PROM2: variants seen among roughly 807,000 people sequenced by gnomAD.
PROM2 encodes prominin-2.
A neutral mutation model predicts 110.2 loss-of-function variants in PROM2; 90 were observed. The ratio of observed to expected loss-of-function variants is 0.82; its 90% CI spans 0.69 to 0.97. The LOEUF (loss-of-function observed/expected upper bound fraction) is 0.97. PROM2 is among the 50% of genes least tolerant of loss of function. The pLI, the probability that PROM2 is intolerant of heterozygous loss-of-function variation, is 0.00. For missense variants in PROM2, 1,009 were observed against 1,074.8 expected (o/e 0.94, Z 0.86); for synonymous variants, 470 against 467.8 (o/e 1.00, Z -0.06).
rs780007520 is a variant in PROM2, at chr2:95,281,918, TC to T, written c.1552-3del. ...TCTGTGCCCATTTCTCACTGCCCCA[TC>T]CCCAGTTTGCAGACACCCCAGGGAA... On this transcript the variant is annotated splice_polypyrimidine_tract_variant and splice_region_variant and intron_variant, in intron 12 of 23. Coordinates refer to ENST00000317620, the MANE Select transcript of PROM2 (RefSeq NM_001165978.3). The T allele has an allele frequency of 6.2e-7, 1 of 1,612,092 alleles. No homozygotes were observed. Among genetic ancestry groups the T allele is most frequent in the African/African-American group, 1.3e-5 (1 of 74,818 alleles).
At chr2:95,285,575 C>A in intron 15 of PROM2, 64 bp from the exon 16 acceptor site, 3 of 1,365,790 alleles carry the variant, frequency 2.2e-6, no homozygotes, top group Non-Finnish European at 3.1e-6. Context: ...AGGCTGGGAT[C>A]AGGTGGTGGT....
chr2:95,281,473 A>G, intron 12 of PROM2, 108 bp downstream of exon 12: 6 of 1,153,382 alleles, frequency 5.2e-6, no homozygotes, highest in Admixed American at 4.9e-5. Flanking sequence ...AAAGGGAGAG[A>G]GGGAGGGGAG....
chr2:95,284,559 G>T (rs1271752042), intron 14 of PROM2, among the ~76,000 whole-genome samples: 1 of 152,114 alleles, frequency 6.6e-6, no homozygotes, highest in African/African-American at 2.4e-5. Flanking sequence ...AGGTTTAAGT[G>T]CAGGCTGTAC....
At chr2:95,281,725 G>C (rs1219350873) in intron 12 of PROM2, among the ~76,000 whole-genome samples, 200 bp from the exon 13 acceptor site, 1 of 152,096 alleles carries the variant, frequency 6.6e-6, no homozygotes, top group Non-Finnish European at 1.5e-5. Context: ...ACCCTCCTAG[G>C]GATTCATGGG....
Position 95,276,721 on chromosome 2 carries a change from G to A in PROM2, c.682+64G>A. On this transcript the variant is annotated intron_variant, in intron 5 of 23. Transcript: ENST00000317620. The surrounding 1 kb of genome is among the most constrained non-coding windows in gnomAD (Gnocchi z 4.6). ...CCAGGGCCCCTGCTCGGGTGCCTCG[G>A]TGGGGGCCTCTCACTCCCTCATTCT... is the stretch of plus-strand genomic sequence containing the variant. The A allele has an allele frequency of 5.8e-6, 9 of 1,554,808 alleles. No homozygotes were observed. The highest frequency in any genetic ancestry group is 8.0e-6 in the Non-Finnish European group (9 of 1,129,936).
At chr2:95,289,171 G>A in intron 23 of PROM2, 53 bp from the exon 24 acceptor site, 2 of 626,420 alleles carry the variant, frequency 3.2e-6, no homozygotes, top group Non-Finnish European at 2.9e-6. Flanking sequence ...GGGGCTGACA[G>A]CCCTGTTCTC....
rs756654563 is a variant in PROM2, at chr2:95,279,163, T to C, written c.1274+19T>C. On this transcript the variant is annotated intron_variant, in intron 10 of 23. Coordinates refer to ENST00000317620, the MANE Select transcript of PROM2 (RefSeq NM_001165978.3). The stretch of plus-strand genomic sequence containing the variant: ...CCTACAGGTGCTGGGCACCGCAGGG[T>C]GGGATGGGGTGGGGTGGGGTGGGCA... 1.1e-5 allele frequency: 4 copies of C among 366,332 alleles called. No homozygotes were observed. The highest frequency in any genetic ancestry group is 1.9e-5 in the Non-Finnish European group (4 of 211,036). 22.7% of individuals were successfully genotyped at this position (366,332 alleles called of 1,614,324 possible).
rs752691807 is a variant in PROM2 at position 95,281,941 on chromosome 2, G to C, written c.1568G>C (p.Gly523Ala). ...GELFEFADTP[G>A]NLPPSMNLSQ... ...CATCCCCAGTTTGCAGACACCCCAGGGAACCTGCCCCCGTCCATGAACCTG... is the reference window on the plus strand; with the variant it reads ...CATCCCCAGTTTGCAGACACCCCAGCGAACCTGCCCCCGTCCATGAACCTG... The change falls in exon 13 of 24, where the codon GGG (glycine) becomes GCG (alanine). Residue 523 changes from glycine to alanine, a missense_variant. By Grantham distance (60) the Gly-to-Ala change is moderately conservative (BLOSUM62 0). Transcript: ENST00000317620. The C allele has an allele frequency of 6.2e-7, 1 of 1,614,052 alleles. No individual in the cohort carries two copies. The highest frequency in any genetic ancestry group is 1.7e-5 in the Admixed American group (1 of 60,016).
chr2:95,281,432 AGGGTT>A, intron 12 of PROM2, 67 bp downstream of exon 12: 1 of 265,120 alleles, frequency 3.8e-6, no homozygotes, highest in Non-Finnish European at 5.2e-6. Context: ...GCAGAGCAGG[AGGGTT>A]GGGGGAAAGT....
intron 15 of PROM2, among the ~76,000 whole-genome samples, chr2:95,285,434 G>T (rs1677297319): frequency 2.0e-5 from 3 of 152,200 alleles, no homozygotes; most frequent in Non-Finnish European, 4.4e-5. Flanking sequence ...TGCCTTATTT[G>T]TTCTTGTTGT....
chr2:95,285,630 C>T lies in PROM2; in HGVS notation c.1876-9C>T. 6.3e-7 allele frequency: 1 copy of T among 1,589,464 alleles called. No individual in the cohort carries two copies. On this transcript the variant is annotated splice_polypyrimidine_tract_variant and intron_variant, in intron 15 of 23. Coordinates refer to ENST00000317620, the MANE Select transcript of PROM2 (RefSeq NM_001165978.3). ...TTCATCCCTCCTGGCCTCTTCTGTC[C>T]ACCTGCAGATCCAGAGGCCCGTGGT...
At chr2:95,286,956 A>AG in intron 18 of PROM2, 99 bp downstream of exon 18, 1 of 1,420,988 alleles carries the variant, frequency 7.0e-7, no homozygotes, top group Non-Finnish European at 9.8e-7. Context: ...AGCTCTGCCC[A>AG]GGTTGCAGGT....
chr2:95,288,359 A>G lies in PROM2; in HGVS notation c.2334+59A>G, dbSNP rs1355227819. The G allele has an allele frequency of 1.9e-6, 3 of 1,598,116 alleles. No individual in the cohort carries two copies. In the African/African-American group the frequency reaches 4.0e-5, roughly 21 times the overall value. On this transcript the variant is annotated intron_variant, in intron 21 of 23. Coordinates refer to ENST00000317620, the MANE Select transcript of PROM2 (RefSeq NM_001165978.3). ...AAGTCCCGGAGCCTTCCTGCTCTCC[A>G]GGGAGGGCCGGGTGAGCAGGGTGTG...
At position 95,287,342 on chromosome 2, in the gene PROM2, G is replaced by A. The variant is rs1573463282; in HGVS notation, c.2176-54G>A. The stretch of plus-strand genomic sequence containing the variant: ...AGGCATGGGGGGTGGCGTGGGTGGG[G>A]GGCACTGCTGCTTCTGGGACCCCTA... On this transcript the variant is annotated intron_variant, in intron 19 of 23. Coordinates refer to ENST00000317620, the MANE Select transcript of PROM2 (RefSeq NM_001165978.3). The A allele has an allele frequency of 6.9e-6, 11 of 1,600,366 alleles. 1 individual carries two copies. Among genetic ancestry groups the A allele is most frequent in the East Asian group, 6.7e-5 (3 of 44,810 alleles).
chr2:95,274,848 C>A lies in PROM2; in HGVS notation c.244+19C>A, dbSNP rs373422154. The A allele has an allele frequency of 3.3e-6, 5 of 1,524,880 alleles. No homozygotes were observed. The South Asian group carries it at 3.7e-5, about 11-fold the overall frequency. The allele number at this position is 1,524,880 out of a possible 1,614,324, so 94.5% of individuals were successfully genotyped here. A position where few individuals can be genotyped will look rare whatever the true frequency, so the allele number is the denominator to read the frequency against. On this transcript the variant is annotated intron_variant, in intron 1 of 23. Transcript: ENST00000317620. Reference sequence around the variant, plus strand: ...CCTTCAGGTGAGTGTGCCCCTCCCCCATGAGGGCCTCAGCATTTGGGTCCC... The same window carrying A: ...CCTTCAGGTGAGTGTGCCCCTCCCCAATGAGGGCCTCAGCATTTGGGTCCC...
At chr2:95,277,155 C>T (rs1426619164) in intron 6 of PROM2, 94 bp downstream of exon 6, 9 of 1,246,730 alleles carry the variant, frequency 7.2e-6, no homozygotes, top group Middle Eastern at 2.6e-4. Flanking sequence ...TCCTGAGCCA[C>T]CTCTGCCCCA....
At position 95,274,569 on chromosome 2, in the gene PROM2, C is replaced by T; in HGVS notation, c.-17C>T. 1.3e-6 allele frequency: 2 copies of T among 1,556,356 alleles called. No homozygotes were observed. The highest frequency in any genetic ancestry group is 1.7e-6 in the Non-Finnish European group (2 of 1,148,696). On this transcript the variant is annotated 5_prime_UTR_variant, in exon 1 of 24. Coordinates refer to ENST00000317620, the MANE Select transcript of PROM2 (RefSeq NM_001165978.3). ...TCTGTTCCCTCCTGAGCCTGAGCCC[C>T]TTACCTTCCTGACCCCATGAAGCAC...
At chr2:95,283,128 C>T (rs75233929) in intron 14 of PROM2, among the ~76,000 whole-genome samples, 10,960 of 152,276 alleles carry the variant, frequency 0.072, 545 homozygotes, top group Middle Eastern at 0.13. Flanking sequence ...CAGGAGCTCC[C>T]CGAGCAGGCG....
Position 95,277,353 on chromosome 2 carries a change from G to T in PROM2, c.773-11G>T. 1.2e-6 allele frequency: 2 copies of T among 1,602,480 alleles called. No individual in the cohort carries two copies. Among genetic ancestry groups the T allele is most frequent in the Non-Finnish European group, 1.7e-6 (2 of 1,173,464 alleles). On this transcript the variant is annotated splice_polypyrimidine_tract_variant and intron_variant, in intron 6 of 23. Transcript: ENST00000317620. ...GGTGGACCCTGCTCAGGCTGGGTGT[G>T]GGTCTCTCAGTCCTGCAGGTCTCCG...
Sources: allele counts gnomAD v4.1 joint callset (sites outside exome capture counted in the v4.1 genomes callset), GRCh38; gene constraint gnomAD v4.1.1; non-coding constraint Gnocchi (gnomAD v3.1); transcripts MANE v1.5; gene names NCBI Gene and HGNC (gene_info 2026-07-23, HGNC 2026-07-21).